CADM2: variants seen among roughly 807,000 people sequenced by gnomAD.
The protein encoded by CADM2 is cell adhesion molecule 2.
A neutral mutation model predicts 49.8 loss-of-function variants in CADM2; 12 were observed. The ratio of observed to expected loss-of-function variants is 0.24; its 90% CI spans 0.15 to 0.39. CADM2 has a LOEUF of 0.39. CADM2 is among the 10% of genes least tolerant of loss of function. The pLI is 1.00. For missense variants in CADM2, 378 were observed against 492.3 expected (o/e 0.77, Z 2.20); for synonymous variants, 214 against 175.4 (o/e 1.22, Z -1.74).
At chr3:85,472,644 G>C (rs1379146008) in intron 1 of CADM2, among the ~76,000 whole-genome samples, 5 of 151,958 alleles carry the variant, frequency 3.3e-5, no homozygotes, top group Middle Eastern at 3.4e-3. Flanking sequence ...GGATAATTTG[G>C]AACTGGTACC....
intron 3 of CADM2, among the ~76,000 whole-genome samples, chr3:85,834,214 A>C (rs1406726833): frequency 6.6e-6 from 1 of 151,614 alleles, no homozygotes; most frequent in Non-Finnish European, 1.5e-5. Context: ...AAAGAGAAAA[A>C]AATTATTATA....
chr3:85,521,614 G>T (rs550283858), intron 1 of CADM2, among the ~76,000 whole-genome samples: 4 of 152,202 alleles, frequency 2.6e-5, no homozygotes, highest in East Asian at 1.9e-4. Context: ...AAGCAAAATG[G>T]ATTTTTAAAG....
intron 1 of CADM2, among the ~76,000 whole-genome samples, chr3:85,157,413 G>C (rs2040164759): frequency 6.6e-6 from 1 of 152,112 alleles, no homozygotes; most frequent in Non-Finnish European, 1.5e-5. Flanking sequence ...CAAAGCTGGA[G>C]GCATCACACT....
At chr3:85,931,259 G>A (rs370408542) in intron 6 of CADM2, among the ~76,000 whole-genome samples, 17 of 151,652 alleles carry the variant, frequency 1.1e-4, no homozygotes, top group African/African-American at 3.9e-4. Flanking sequence ...GATAAAGAGA[G>A]AAAAAGAAAG....
chr3:85,342,865 C>T (rs1214651689), intron 1 of CADM2, among the ~76,000 whole-genome samples: 2 of 152,110 alleles, frequency 1.3e-5, no homozygotes, highest in Non-Finnish European at 2.9e-5. Flanking sequence ...GCACCGCTTT[C>T]CTACTAAAAA....
At chr3:85,381,131 G>A (rs1576452574) in intron 1 of CADM2, among the ~76,000 whole-genome samples, 1 of 151,974 alleles carries the variant, frequency 6.6e-6, no homozygotes. Context: ...GTGTATGTAC[G>A]TGTGTATTGC....
At position 85,590,650 on chromosome 3, in the gene CADM2, T is replaced by C. The variant is rs553548666; in HGVS notation, c.62-135872T>C. Among the ~76,000 whole-genome samples the C allele has an allele frequency of 1.4e-4, 21 of 151,984 alleles. No homozygotes were observed. In the East Asian group the frequency reaches 4.1e-3, roughly 30 times the overall value. ...AAAAATAAACATTTAGGGACAAGAA[T>C]TAAAGGAAAGGCTTTGAAAAATAAT... is the stretch of plus-strand genomic sequence containing the variant. On this transcript the variant is annotated intron_variant, in intron 1 of 9. Coordinates refer to ENST00000383699, the MANE Select transcript of CADM2 (RefSeq NM_001167675.2).
At chr3:85,962,057 T>C (rs2108617206) in intron 8 of CADM2, among the ~76,000 whole-genome samples, 1 of 151,992 alleles carries the variant, frequency 6.6e-6, no homozygotes, top group East Asian at 2.0e-4. Context: ...GTGCTTCACC[T>C]CCTGAGTAGC....
At chr3:85,520,211 T>G (rs9841829) in intron 1 of CADM2, among the ~76,000 whole-genome samples, 27,125 of 151,838 alleles carry the variant, frequency 0.18, 2,779 homozygotes, top group Non-Finnish European at 0.23. Flanking sequence ...TATTTACATA[T>G]GTAATTCACA....
chr3:85,411,392 A>G (rs2035649356), intron 1 of CADM2, among the ~76,000 whole-genome samples: 1 of 152,228 alleles, frequency 6.6e-6, no homozygotes, highest in African/African-American at 2.4e-5. Flanking sequence ...TATAACTTTT[A>G]TAGTGCTAGT....
chr3:85,060,002 C>G (rs1452197562), intron 1 of CADM2, among the ~76,000 whole-genome samples: 1 of 152,168 alleles, frequency 6.6e-6, no homozygotes, highest in African/African-American at 2.4e-5. Context: ...GCCTTCATAT[C>G]TCACCCTACT....
At chr3:85,128,323 T>C (rs1437496289) in intron 1 of CADM2, among the ~76,000 whole-genome samples, 1 of 152,162 alleles carries the variant, frequency 6.6e-6, no homozygotes, top group East Asian at 1.9e-4. Context: ...GCAATCAATA[T>C]AGGAGAAAAG....
intron 1 of CADM2, among the ~76,000 whole-genome samples, chr3:85,029,452 AG>A (rs1238599835): frequency 6.6e-6 from 1 of 152,228 alleles, no homozygotes; most frequent in African/African-American, 2.4e-5. Context: ...TGATAAAAGT[AG>A]ATGCTAATCG....
intron 3 of CADM2, among the ~76,000 whole-genome samples, chr3:85,870,827 T>G (rs1323996427): frequency 6.6e-6 from 1 of 152,168 alleles, no homozygotes; most frequent in East Asian, 1.9e-4. Flanking sequence ...AATCCTCACA[T>G]TGCTTTGCAC....
At chr3:85,969,437 C>G (rs1304539871) in intron 8 of CADM2, among the ~76,000 whole-genome samples, 2 of 151,314 alleles carry the variant, frequency 1.3e-5, no homozygotes, top group African/African-American at 2.4e-5. Flanking sequence ...AAATGCTGAT[C>G]TTTGCAAGAT....
intron 5 of CADM2, among the ~76,000 whole-genome samples, chr3:85,888,636 T>C (rs558458102): frequency 6.6e-6 from 1 of 152,196 alleles, no homozygotes; most frequent in Non-Finnish European, 1.5e-5. Context: ...CTATCTAATC[T>C]TACAATTCTT....
intron 1 of CADM2, among the ~76,000 whole-genome samples, chr3:85,414,269 G>T (rs113119484): frequency 0.022 from 3,291 of 152,114 alleles, 55 homozygotes; most frequent in Middle Eastern, 0.054. Context: ...TAACAAAATC[G>T]TCTTTAACAA....
intron 1 of CADM2, among the ~76,000 whole-genome samples, chr3:85,359,821 T>C: frequency 6.7e-6 from 1 of 149,894 alleles, no homozygotes; most frequent in East Asian, 2.0e-4. Flanking sequence ...CTGCAAAAAA[T>C]GTAACCCAAG....
At chr3:85,552,804 G>A (rs1454071603) in intron 1 of CADM2, among the ~76,000 whole-genome samples, 9 of 151,924 alleles carry the variant, frequency 5.9e-5, no homozygotes. Context: ...AGCCTTCCAA[G>A]TAGCTGGGAC....
Sources: allele counts gnomAD v4.1 joint callset (sites outside exome capture counted in the v4.1 genomes callset), GRCh38; gene constraint gnomAD v4.1.1; transcripts MANE v1.5; gene names NCBI Gene and HGNC (gene_info 2026-07-23, HGNC 2026-07-21).